The following PEBP4 variants were observed in gnomAD, a reference collection of about 807,000 sequenced individuals.
The protein encoded by PEBP4 is phosphatidylethanolamine binding protein 4.
In PEBP4, 22 loss-of-function variants were observed where a neutral mutation model predicts 23.9. The observed-to-expected ratio is 0.92, with a 90% CI of 0.66 to 1.31. PEBP4 has a LOEUF of 1.31. Ranked by LOEUF, PEBP4 falls within the 40% of genes most tolerant of loss-of-function variation. The probability of loss-of-function intolerance (pLI) is 0.00; values close to 1 mark genes in which losing one functional copy is unlikely to be tolerated. For missense variants in PEBP4, 324 were observed against 281.7 expected, an observed-to-expected ratio of 1.15 and a Z score of -1.07; for synonymous variants, 112 against 99.3, an observed-to-expected ratio of 1.13 and a Z score of -0.76.
At chr8:22,910,236 C>T (rs371027153) in intron 3 of PEBP4, among the ~76,000 whole-genome samples, 119 of 152,364 alleles carry the variant, frequency 7.8e-4, no homozygotes, top group Middle Eastern at 3.4e-3. Context: ...ACAGCACTGA[C>T]GTGCTACAAA....
intron 4 of PEBP4, among the ~76,000 whole-genome samples, chr8:22,795,356 T>C (rs1323250714): frequency 2.0e-5 from 3 of 151,396 alleles, no homozygotes; most frequent in Non-Finnish European, 2.9e-5. Context: ...TTTATATTTT[T>C]AGTAGAGACG....
intron 1 of PEBP4, among the ~76,000 whole-genome samples, chr8:22,935,337 A>G (rs574345387): frequency 3.8e-4 from 58 of 152,196 alleles, no homozygotes; most frequent in African/African-American, 1.4e-3. Flanking sequence ...CCTGGCCAAC[A>G]TGGAGAAACC....
intron 4 of PEBP4, among the ~76,000 whole-genome samples, chr8:22,776,194 C>A (rs766267605): frequency 6.6e-5 from 10 of 152,160 alleles, no homozygotes; most frequent in Non-Finnish European, 1.3e-4. Flanking sequence ...GCGCTCACAC[C>A]CTTCCTAGCA....
chr8:22,741,403 T>G (rs540954238), intron 4 of PEBP4, among the ~76,000 whole-genome samples: 3 of 152,204 alleles, frequency 2.0e-5, no homozygotes, highest in Admixed American at 2.0e-4. Context: ...GCCCAGGGCT[T>G]GTTCTCATTC....
intron 4 of PEBP4, among the ~76,000 whole-genome samples, chr8:22,744,254 C>A (rs1481043589): frequency 1.3e-5 from 2 of 152,224 alleles, no homozygotes; most frequent in Admixed American, 1.3e-4. Flanking sequence ...TGACTGGTAG[C>A]ACCTGAGGGA....
chr8:22,748,668 G>C (rs1460622163), intron 4 of PEBP4, among the ~76,000 whole-genome samples: 5 of 152,192 alleles, frequency 3.3e-5, no homozygotes, highest in South Asian at 2.1e-4. Context: ...CTGAGTCAGA[G>C]GGAGGGTGGG....
At chr8:22,726,030 T>TGTGC (rs60294653) in intron 5 of PEBP4, among the ~76,000 whole-genome samples, 45 of 148,924 alleles carry the variant, frequency 3.0e-4, no homozygotes, top group East Asian at 1.6e-3. Context: ...TGTGTGTGTG[T>TGTGC]GCACGCGCAT....
intron 6 of PEBP4, among the ~76,000 whole-genome samples, chr8:22,717,235 C>G (rs1021816121): frequency 1.3e-5 from 2 of 152,164 alleles, no homozygotes; most frequent in African/African-American, 4.8e-5. Flanking sequence ...ACAGGGTCTC[C>G]CTATGTTGTC....
At chr8:22,786,127 CCAGCAATAGAAA>C (rs1806022161) in intron 4 of PEBP4, among the ~76,000 whole-genome samples, 1 of 152,272 alleles carries the variant, frequency 6.6e-6, no homozygotes, top group African/African-American at 2.4e-5. Context: ...TTTTTGTCTC[CCAGCAATAGAAA>C]CACTAAACCG....
intron 3 of PEBP4, among the ~76,000 whole-genome samples, chr8:22,869,578 A>G (rs180859340): frequency 1.4e-4 from 21 of 152,334 alleles, no homozygotes; most frequent in Admixed American, 2.6e-4. Context: ...GGAGCTGTGA[A>G]TCTGCTGGAC....
chr8:22,728,917 T>C (rs1804678659), intron 4 of PEBP4, among the ~76,000 whole-genome samples: 1 of 152,144 alleles, frequency 6.6e-6, no homozygotes, highest in Non-Finnish European at 1.5e-5. Context: ...TTCCTTTAAC[T>C]TCCTTCTACT....
At chr8:22,898,821 G>A (rs1175308616) in intron 3 of PEBP4, among the ~76,000 whole-genome samples, 1 of 152,216 alleles carries the variant, frequency 6.6e-6, no homozygotes, top group African/African-American at 2.4e-5. Context: ...TGATAAAGGG[G>A]TGAATTTGGA....
At chr8:22,718,373 G>T (rs1804454835) in intron 6 of PEBP4, among the ~76,000 whole-genome samples, 1 of 152,218 alleles carries the variant, frequency 6.6e-6, no homozygotes, top group East Asian at 1.9e-4. Flanking sequence ...CCAATATTTG[G>T]TAGTGGCAAC....
intron 4 of PEBP4, chr8:22,758,019 T>G (rs1805428264): frequency 6.6e-6 from 1 of 152,190 alleles, no homozygotes; most frequent in Non-Finnish European, 1.5e-5. Flanking sequence ...GGCCCCTAAG[T>G]TAGTCATTTT....
intron 4 of PEBP4, among the ~76,000 whole-genome samples, chr8:22,780,556 G>A (rs956549255): frequency 3.3e-5 from 5 of 152,182 alleles, no homozygotes; most frequent in Admixed American, 3.3e-4. Context: ...GATCCTTTGA[G>A]GTTCCACAGT....
intron 4 of PEBP4, among the ~76,000 whole-genome samples, chr8:22,770,113 C>T (rs1395950474): frequency 6.6e-6 from 1 of 152,218 alleles, no homozygotes; most frequent in Non-Finnish European, 1.5e-5. Flanking sequence ...AGGAAGCAGG[C>T]GCCCCTCTGG....
At chr8:22,746,268 C>A (rs1384692192) in intron 4 of PEBP4, among the ~76,000 whole-genome samples, 1 of 152,106 alleles carries the variant, frequency 6.6e-6, no homozygotes, top group East Asian at 1.9e-4. Context: ...GGTGTGGAGG[C>A]CCCTCTGGGG....
At chr8:22,731,815 C>A (rs1294430131) in intron 4 of PEBP4, among the ~76,000 whole-genome samples, 2 of 149,164 alleles carry the variant, frequency 1.3e-5, no homozygotes, top group Non-Finnish European at 3.0e-5. Context: ...CCTGCCATGG[C>A]GCCCGGCTAA....
At chr8:22,878,210 T>TGCAGAGGGAGGG (rs1808165754) in intron 3 of PEBP4, 1 of 115,680 alleles carries the variant, frequency 8.6e-6, no homozygotes, top group Non-Finnish European at 1.9e-5. Flanking sequence ...AGGGTGAGCA[T>TGCAGAGGGAGGG]GGAGAGGGAG....
Sources: gnomAD v4.1 joint callset for allele counts (sites outside exome capture counted in the v4.1 genomes callset) on GRCh38, gnomAD v4.1.1 for gene constraint, MANE v1.5 for transcripts, NCBI Gene and HGNC (gene_info 2026-07-23, HGNC 2026-07-21) for gene names.